The following EDAR variants were observed in gnomAD, a reference collection of about 807,000 sequenced individuals.
EDAR encodes ectodysplasin A receptor.
EDAR carries 38 observed loss-of-function variants against 51.3 expected under a neutral mutation model. The ratio of observed to expected loss-of-function variants is 0.74; its 90% confidence interval spans 0.57 to 0.97. The LOEUF (loss-of-function observed/expected upper bound fraction) is 0.97. EDAR is among the 50% of genes least tolerant of loss of function. The pLI, the probability that EDAR is intolerant of heterozygous loss-of-function variation, is 0.00. For missense variants in EDAR, 528 were observed against 595.0 expected (o/e 0.89, Z 1.17); for synonymous variants, 227 against 242.1 (o/e 0.94, Z 0.58).
At chr2:108,901,234 A>G (rs1696692819) in intron 11 of EDAR, among the ~76,000 whole-genome samples, 1 of 152,214 alleles carries the variant, frequency 6.6e-6, no homozygotes, top group Non-Finnish European at 1.5e-5. Context: ...AGTCTTCTAA[A>G]TAATCCACAG....
At chr2:108,905,864 A>G (rs1696791695) in intron 11 of EDAR, among the ~76,000 whole-genome samples, 1 of 146,566 alleles carries the variant, frequency 6.8e-6, no homozygotes, top group African/African-American at 2.8e-5. Context: ...CTGGGAGGGG[A>G]GGCTGGAGGC....
At chr2:108,917,214 C>G (rs964088289) in intron 5 of EDAR, among the ~76,000 whole-genome samples, 1 of 152,120 alleles carries the variant, frequency 6.6e-6, no homozygotes, top group Non-Finnish European at 1.5e-5. Flanking sequence ...ATAAAAGCAA[C>G]GCGCGGCTCG....
At chr2:108,920,893 G>A (rs1302229898) in intron 5 of EDAR, among the ~76,000 whole-genome samples, 10 of 152,158 alleles carry the variant, frequency 6.6e-5, no homozygotes, top group Admixed American at 2.6e-4. Context: ...GGAGCTGCCC[G>A]GGGCAGGAGA....
At chr2:108,902,378 A>G (rs1439526004) in intron 11 of EDAR, among the ~76,000 whole-genome samples, 1 of 152,064 alleles carries the variant, frequency 6.6e-6, no homozygotes, top group Non-Finnish European at 1.5e-5. Flanking sequence ...TCCATCTCAA[A>G]AACAAAACAA....
intron 5 of EDAR, 40 bp downstream of exon 5, chr2:108,923,328 T>A (rs1278536337): frequency 5.0e-6 from 8 of 1,594,066 alleles, no homozygotes; most frequent in Admixed American, 1.7e-5. Context: ...GGATCCGTGC[T>A]GAACAAATAC....
intron 1 of EDAR, among the ~76,000 whole-genome samples, chr2:108,974,819 TGGCAGAGCTGGG>T (rs1698294554): frequency 6.6e-6 from 1 of 152,044 alleles, no homozygotes; most frequent in South Asian, 2.1e-4. Context: ...AGCCAGCAAA[TGGCAGAGCTGGG>T]GTCTAGCTCT....
At chr2:108,977,971 C>T (rs1698354537) in intron 1 of EDAR, among the ~76,000 whole-genome samples, 1 of 152,232 alleles carries the variant, frequency 6.6e-6, no homozygotes, top group African/African-American at 2.4e-5. Flanking sequence ...GCAGATGAAA[C>T]TCCTCAGGGA....
intron 1 of EDAR, among the ~76,000 whole-genome samples, chr2:108,980,764 C>A (rs2104473385): frequency 6.6e-6 from 1 of 152,190 alleles, no homozygotes; most frequent in Admixed American, 6.5e-5. Context: ...CAGCCCTGAG[C>A]TTGAATCAGT....
rs765687050 is a variant in EDAR, at chr2:108,906,373, GAA to G, written c.964-7_964-6del. The G allele has an allele frequency of 3.8e-5, 62 of 1,614,120 alleles. No homozygotes were observed. In the African/African-American group the frequency reaches 6.5e-4, roughly 17 times the overall value. On this transcript the variant is annotated splice_polypyrimidine_tract_variant and splice_region_variant and intron_variant, in intron 10 of 11. Transcript: ENST00000258443. ...CTTTTTCCTCCGGCTTTGAATCTGT[GAA>G]AAAGAGTCGAGAATTTTCATCTCCA...
At chr2:108,941,152 G>A (rs1697585953) in intron 1 of EDAR, among the ~76,000 whole-genome samples, 1 of 152,244 alleles carries the variant, frequency 6.6e-6, no homozygotes, top group African/African-American at 2.4e-5. Context: ...CGTCTGCGTT[G>A]TGGGAATTAG....
rs373045357 is a variant in EDAR at position 108,944,745 on chromosome 2, G to T, written c.-18-13713C>A. Among the ~76,000 whole-genome samples, 6 of 152,298 alleles carry T rather than the reference G, an allele frequency of 3.9e-5. No individual in the cohort carries two copies. In the South Asian group the frequency reaches 1.2e-3, roughly 32 times the overall value. On this transcript the variant is annotated intron_variant, in intron 1 of 11. Coordinates refer to ENST00000258443, the MANE Select transcript of EDAR (RefSeq NM_022336.4). Reference sequence around the variant, plus strand: ...GCACCCCCACCGTGCAGAGGAGGGAGCTGTGGCACAGAGCCGGTCCCAGAC... The same window carrying T: ...GCACCCCCACCGTGCAGAGGAGGGATCTGTGGCACAGAGCCGGTCCCAGAC...
At chr2:108,940,380 T>C (rs761073263) in intron 1 of EDAR, 10 of 152,384 alleles carry the variant, frequency 6.6e-5, no homozygotes, top group Non-Finnish European at 1.3e-4. Context: ...AAAGCACGTG[T>C]GGCTCCTCCA....
chr2:108,972,901 G>A (rs940721409), intron 1 of EDAR, among the ~76,000 whole-genome samples: 1 of 152,202 alleles, frequency 6.6e-6, no homozygotes, highest in South Asian at 2.1e-4. Context: ...AGCTGGGCAC[G>A]CCCAGAACAA....
intron 5 of EDAR, among the ~76,000 whole-genome samples, chr2:108,915,533 G>T (rs1412541782): frequency 1.3e-5 from 2 of 152,124 alleles, no homozygotes; most frequent in Non-Finnish European, 2.9e-5. Flanking sequence ...TTCCTCGTGG[G>T]CCTCAAACTT....
intron 1 of EDAR, among the ~76,000 whole-genome samples, chr2:108,962,670 G>A (rs1387944366): frequency 5.2e-5 from 4 of 76,202 alleles, no homozygotes; most frequent in Non-Finnish European, 1.0e-4. Context: ...GCGAGACTCT[G>A]TCTCAAAAAA....
chr2:108,936,908 C>T (rs942622942), intron 1 of EDAR, among the ~76,000 whole-genome samples: 1 of 152,220 alleles, frequency 6.6e-6, no homozygotes, highest in African/African-American at 2.4e-5. Context: ...CCTTGCCAGC[C>T]TGAAGTCCTC....
In EDAR at chr2:108,895,811, C is replaced by T. The variant is rs1222384685; in HGVS notation, c.*1096G>A. On this transcript the variant is annotated 3_prime_UTR_variant, in exon 12 of 12. Transcript: ENST00000258443. ...AGGCTCTCATTTGCGCTGCAGAACTCCACTTTCCCTGACTGGCTCAGAAGG... is the reference window on the plus strand; with the variant it reads ...AGGCTCTCATTTGCGCTGCAGAACTTCACTTTCCCTGACTGGCTCAGAAGG... The T allele has an allele frequency of 6.6e-6, 1 of 152,254 alleles. No individual in the cohort carries two copies. The highest frequency in any genetic ancestry group is 2.4e-5 in the African/African-American group (1 of 41,450). The allele number at this position is 152,254 out of a possible 1,614,324, so 9.4% of individuals were successfully genotyped here. A position where few individuals can be genotyped will look rare whatever the true frequency, so the allele number is the denominator to read the frequency against.
At chr2:108,946,139 C>T (rs1240981062) in intron 1 of EDAR, among the ~76,000 whole-genome samples, 1 of 152,168 alleles carries the variant, frequency 6.6e-6, no homozygotes, top group Admixed American at 6.5e-5. Context: ...TCGTCCACAC[C>T]CTGTGAGATG....
intron 1 of EDAR, among the ~76,000 whole-genome samples, chr2:108,945,623 G>A (rs1697701002): frequency 6.6e-6 from 1 of 152,158 alleles, no homozygotes; most frequent in African/African-American, 2.4e-5. Flanking sequence ...TAAAAATGCA[G>A]CTAACTTTCT....
Sources: allele counts gnomAD v4.1 joint callset (sites outside exome capture counted in the v4.1 genomes callset), GRCh38; gene constraint gnomAD v4.1.1; transcripts MANE v1.5; gene names NCBI Gene and HGNC (gene_info 2026-07-23, HGNC 2026-07-21).